PCDHA8: variants seen among roughly 807,000 people sequenced by gnomAD.
PCDHA8 encodes protocadherin alpha 8.
A neutral mutation model predicts 61.8 loss-of-function variants in PCDHA8; 53 were observed. The ratio of observed to expected loss-of-function variants is 0.86; its 90% CI spans 0.69 to 1.08. PCDHA8 has a LOEUF of 1.08. Ranked by LOEUF, PCDHA8 falls within the 50% of genes least tolerant of loss-of-function variation. PCDHA8 has a pLI of 0.00. For missense variants in PCDHA8, 1,293 were observed against 1,245.0 expected, an observed-to-expected ratio of 1.04 and a Z score of -0.58; for synonymous variants, 618 against 556.6, an observed-to-expected ratio of 1.11 and a Z score of -1.55.
At chr5:140,979,408 GT>G (rs558051720) in intron 2 of PCDHA8, among the ~76,000 whole-genome samples, 17 of 147,706 alleles carry the variant, frequency 1.2e-4, no homozygotes, top group East Asian at 4.0e-4. Flanking sequence ...TGTCTACCTT[GT>G]TTTTTTTTTA....
chr5:140,876,118 G>T, intron 1 of PCDHA8: 1 of 1,613,926 alleles, frequency 6.2e-7, no homozygotes, highest in South Asian at 1.1e-5. Context: ...GATGGTAATC[G>T]ATGGCGGTAA....
In PCDHA8 at chr5:140,966,763, G is replaced by A. The variant is rs1020607410; in HGVS notation, c.2395-12186G>A. 2.7e-6 allele frequency: 4 copies of A among 1,470,486 alleles called. No homozygotes were observed. The South Asian group carries it at 5.5e-5, about 20-fold the overall frequency. 91.1% of individuals were successfully genotyped at this position (1,470,486 alleles called of 1,614,324 possible). A position where few individuals can be genotyped will look rare whatever the true frequency, so the allele number is the denominator to read the frequency against. Reference sequence around the variant, plus strand: ...CCCGGCTGCCTCCGCCGCGGCCAGTGGCTATGGAGCAGGCGGGCACCAGAC... The same window carrying A: ...CCCGGCTGCCTCCGCCGCGGCCAGTAGCTATGGAGCAGGCGGGCACCAGAC... On this transcript the variant is annotated intron_variant, in intron 1 of 3. Transcript: ENST00000531613.
chr5:140,983,900 G>T (rs1345141422), intron 3 of PCDHA8, among the ~76,000 whole-genome samples: 1 of 152,198 alleles, frequency 6.6e-6, no homozygotes, highest in Admixed American at 6.5e-5. Context: ...GGCATTCGTT[G>T]ATTCTAATCA....
In PCDHA8 at chr5:141,010,289, C is replaced by G. The variant is rs2098416832; in HGVS notation, c.*352C>G. The G allele has an allele frequency of 4.5e-6, 7 of 1,550,274 alleles. No homozygotes were observed. The highest frequency in any genetic ancestry group is 3.9e-5 in the Admixed American group (2 of 50,654). ...GGGGATCCTGTCTTGATGACACTTG[C>G]AGGGCAGGCTGAAAAGTTTTGAGAT... On this transcript the variant is annotated 3_prime_UTR_variant, in exon 4 of 4. Transcript: ENST00000531613.
At chr5:140,988,226 G>C (rs1375369387) in intron 3 of PCDHA8, among the ~76,000 whole-genome samples, 2 of 152,154 alleles carry the variant, frequency 1.3e-5, no homozygotes, top group Non-Finnish European at 2.9e-5. Context: ...TGAGATCAGG[G>C]ATCTATGTGA....
At chr5:140,871,116 C>T (rs200344692) in intron 1 of PCDHA8, 44 of 1,613,146 alleles carry the variant, frequency 2.7e-5, no homozygotes, top group Non-Finnish European at 3.6e-5. Flanking sequence ...TGGTGGAGAG[C>T]GGACAGGCGC....
rs2150316766 is a variant in PCDHA8 at position 140,841,503 on chromosome 5, C to A, written c.182C>A (p.Pro61Gln). 418 of 1,613,290 alleles carry A rather than the reference C, an allele frequency of 2.6e-4. 3 individuals are homozygous for A. In the East Asian group the frequency reaches 7.1e-3, roughly 27 times the overall value. The change falls in exon 1 of 4, where the codon CCG becomes CAG. Residue 61 changes from proline to glutamine, a missense_variant. By Grantham distance (76) the Pro-to-Gln change is moderately conservative (BLOSUM62 -1). Transcript: ENST00000531613. ...DLGLELAELV[P>Q]RLFRVASKRH... ...GGGCTGGAGCTGGCGGAGCTGGTGC[C>A]GCGCCTGTTCCGGGTGGCGTCCAAA...
rs185281311 is a variant in PCDHA8 at position 140,896,058 on chromosome 5, G to A, written c.2394+52343G>A. The stretch of plus-strand genomic sequence containing the variant: ...ACTCCTGACCTCAGGTGATCCGCCT[G>A]CCTCGGCCTCCCAACATGCTGGGAT... On this transcript the variant is annotated intron_variant, in intron 1 of 3. Coordinates refer to ENST00000531613, the MANE Select transcript of PCDHA8 (RefSeq NM_018911.3). 4.1e-3 allele frequency among the ~76,000 whole-genome samples: 624 copies of A among 152,238 alleles called. 2 individuals carry two copies. The highest frequency in any genetic ancestry group is 6.8e-3 in the Middle Eastern group (2 of 294).
chr5:140,967,053 G>A (rs1563359791), intron 1 of PCDHA8: 4 of 1,612,648 alleles, frequency 2.5e-6, no homozygotes, highest in Non-Finnish European at 3.4e-6. Flanking sequence ...GACCTGACGA[G>A]TGGAGCGCTC....
chr5:140,924,824 G>T (rs782384284), intron 1 of PCDHA8, among the ~76,000 whole-genome samples: 5 of 151,742 alleles, frequency 3.3e-5, no homozygotes, highest in African/African-American at 4.8e-5. Context: ...GAACCTGGGA[G>T]GGGGAGGTTG....
intron 1 of PCDHA8, among the ~76,000 whole-genome samples, chr5:140,907,970 A>G (rs1312755290): frequency 6.6e-6 from 1 of 152,158 alleles, no homozygotes; most frequent in African/African-American, 2.4e-5. Context: ...CAATTTTCCA[A>G]TCATGCTTCT....
At chr5:141,002,948 C>A (rs2098104348) in intron 3 of PCDHA8, among the ~76,000 whole-genome samples, 1 of 152,152 alleles carries the variant, frequency 6.6e-6, no homozygotes, top group African/African-American at 2.4e-5. Flanking sequence ...CAGCACATGC[C>A]CCTCTGAGAG....
At chr5:140,862,820 G>A (rs782106101) in intron 1 of PCDHA8, 2 of 574,854 alleles carry the variant, frequency 3.5e-6, no homozygotes, top group Non-Finnish European at 6.7e-6. Context: ...TTCTAGGTGA[G>A]AGCGCGCGAC....
At chr5:140,968,995 A>G in intron 1 of PCDHA8, 2 of 1,614,200 alleles carry the variant, frequency 1.2e-6, no homozygotes, top group Non-Finnish European at 1.7e-6. Flanking sequence ...CATGCTGTGG[A>G]GGCTTCTGTG....
Position 140,869,617 on chromosome 5 carries a change from C to G in PCDHA8, c.2394+25902C>G, listed in dbSNP as rs782525218. The stretch of plus-strand genomic sequence containing the variant: ...AGAGAATGCTCTATTGACCTACAGG[C>G]TAAGTAAAAATGAGTATTTTTCTTT... On this transcript the variant is annotated intron_variant, in intron 1 of 3. Transcript: ENST00000531613. 5 of 1,613,828 alleles carry G rather than the reference C, an allele frequency of 3.1e-6. No homozygotes were observed. The highest frequency in any genetic ancestry group is 4.2e-6 in the Non-Finnish European group (5 of 1,179,910).
intron 3 of PCDHA8, among the ~76,000 whole-genome samples, chr5:141,001,941 A>G (rs565358428): frequency 6.6e-6 from 1 of 151,874 alleles, no homozygotes; most frequent in Admixed American, 6.5e-5. Context: ...GTGAGCGGAA[A>G]TAAGGAGGAG....
chr5:140,935,172 A>G (rs1278781509), intron 1 of PCDHA8, among the ~76,000 whole-genome samples: 34 of 152,164 alleles, frequency 2.2e-4, no homozygotes, highest in Admixed American at 2.1e-3. Context: ...AGGTGTGCTT[A>G]TTGCTGCTGG....
rs200493520 is a variant in PCDHA8 at position 140,928,140 on chromosome 5, G to T, written c.2395-50809G>T. ...TCAGTGAATACCAAGTCCTGATCAC[G>T]GCCTCAGATAGTGGCTCACCCCCAC... On this transcript the variant is annotated intron_variant, in intron 1 of 3. Transcript: ENST00000531613. The T allele has an allele frequency of 2.5e-6, 4 of 1,614,154 alleles. No homozygotes were observed. In the East Asian group the frequency reaches 6.7e-5, roughly 27 times the overall value.
chr5:140,925,033 C>G (rs1176042899), intron 1 of PCDHA8, among the ~76,000 whole-genome samples: 1 of 151,334 alleles, frequency 6.6e-6, no homozygotes, highest in Non-Finnish European at 1.5e-5. Flanking sequence ...ATCGCTTGAG[C>G]CCAGAAGTTT....
Sources: allele counts gnomAD v4.1 joint callset (sites outside exome capture counted in the v4.1 genomes callset), GRCh38; gene constraint gnomAD v4.1.1; transcripts MANE v1.5; gene names NCBI Gene and HGNC (gene_info 2026-07-23, HGNC 2026-07-21).